The following NALF1 variants were observed in gnomAD, a reference collection of about 807,000 sequenced individuals.
NALF1 encodes family with sequence similarity 155 member A.
NALF1 carries 3 observed loss-of-function variants against 48.4 expected under a neutral mutation model. That is an observed-to-expected ratio of 0.06 (90% CI 0.03 to 0.16). The LOEUF is 0.16. Ranked by LOEUF, NALF1 falls within the 10% of genes least tolerant of loss-of-function variation. The pLI is 1.00. For missense variants in NALF1, 526 were observed against 571.5 expected, an observed-to-expected ratio of 0.92 and a Z score of 0.81; for synonymous variants, 262 against 245.7, an observed-to-expected ratio of 1.07 and a Z score of -0.62.
intron 1 of NALF1, among the ~76,000 whole-genome samples, chr13:107,828,633 ACAC>A (rs2138624642): frequency 6.6e-6 from 1 of 151,626 alleles, no homozygotes; most frequent in East Asian, 1.9e-4. Flanking sequence ...ACACACACAC[ACAC>A]ACACACACAC....
rs78819030 is a variant in NALF1 at position 107,666,846 on chromosome 13, G to A, written c.915+198836C>T. Among the ~76,000 whole-genome samples, 814 of 152,032 alleles carry A rather than the reference G, an allele frequency of 5.4e-3. 10 individuals are homozygous for A. Among genetic ancestry groups the A allele is most frequent in the African/African-American group, 0.019 (785 of 41,462 alleles). On this transcript the variant is annotated intron_variant, in intron 1 of 2. Coordinates refer to ENST00000375915, the MANE Select transcript of NALF1 (RefSeq NM_001080396.3). ...TTCGCCATAAATTTGGTATTAGTTC[G>A]TGCTTCAATTTCAGCAGATTCATGT...
At chr13:107,523,744 A>C (rs1051929334) in intron 1 of NALF1, among the ~76,000 whole-genome samples, 8 of 151,972 alleles carry the variant, frequency 5.3e-5, no homozygotes, top group African/African-American at 1.9e-4. Flanking sequence ...GGGTACATTT[A>C]AGATAAAAAT....
chr13:107,363,528 G>T (rs1883101488), intron 1 of NALF1, among the ~76,000 whole-genome samples: 1 of 152,210 alleles, frequency 6.6e-6, no homozygotes, highest in Non-Finnish European at 1.5e-5. Context: ...GAACCCAGGA[G>T]GTTGAGGCTG....
At chr13:107,738,312 G>A (rs1403458959) in intron 1 of NALF1, among the ~76,000 whole-genome samples, 1 of 152,162 alleles carries the variant, frequency 6.6e-6, no homozygotes, top group East Asian at 1.9e-4. Context: ...TGGATAAGAG[G>A]TCACCACTTC....
chr13:107,468,725 C>T (rs1009932632), intron 1 of NALF1, among the ~76,000 whole-genome samples: 8 of 151,908 alleles, frequency 5.3e-5, no homozygotes, highest in Non-Finnish European at 8.8e-5. Context: ...AGAGAGGAAT[C>T]GAATATGCAA....
At chr13:107,706,985 T>G (rs3928888) in intron 1 of NALF1, among the ~76,000 whole-genome samples, 78 of 134,868 alleles carry the variant, frequency 5.8e-4, no homozygotes, top group African/African-American at 1.6e-3. Context: ...TGCAGTGGCG[T>G]GATCTCGGCT....
chr13:107,490,420 G>T (rs1885396889), intron 1 of NALF1, among the ~76,000 whole-genome samples: 1 of 152,190 alleles, frequency 6.6e-6, no homozygotes, highest in Non-Finnish European at 1.5e-5. Flanking sequence ...CAGGGATATG[G>T]ATGGAGCTGG....
chr13:107,514,800 T>A (rs1815293), intron 1 of NALF1, among the ~76,000 whole-genome samples: 2 of 151,994 alleles, frequency 1.3e-5, no homozygotes, highest in African/African-American at 2.4e-5. Context: ...TCTCCCCCAC[T>A]TATCTGCTGG....
At position 107,676,232 on chromosome 13, in the gene NALF1, T is replaced by C. The variant is rs185868429; in HGVS notation, c.915+189450A>G. On this transcript the variant is annotated intron_variant, in intron 1 of 2. Coordinates refer to ENST00000375915, the MANE Select transcript of NALF1 (RefSeq NM_001080396.3). ...CAGACCTTATAACCTTTCCAGTATA[T>C]TTGCCTTAAAAATACTATTTATTCA... 2.3e-4 allele frequency among the ~76,000 whole-genome samples: 35 copies of C among 152,306 alleles called. No homozygotes were observed. In the East Asian group the frequency reaches 6.8e-3, roughly 29 times the overall value.
At chr13:107,332,992 C>T (rs1364747744) in intron 1 of NALF1, among the ~76,000 whole-genome samples, 4 of 151,982 alleles carry the variant, frequency 2.6e-5, no homozygotes, top group African/African-American at 4.8e-5. Context: ...ATTACAGGTG[C>T]GTGCCACCAC....
At chr13:107,452,248 G>A (rs1566348575) in intron 1 of NALF1, among the ~76,000 whole-genome samples, 1 of 152,088 alleles carries the variant, frequency 6.6e-6, no homozygotes, top group Non-Finnish European at 1.5e-5. Context: ...ATGGCCTTAC[G>A]TGTGTTATTA....
rs553188693 is a variant in NALF1, at chr13:107,866,473, G to A, written c.124C>T (p.Leu42=). 1.3e-4 allele frequency: 206 copies of A among 1,614,182 alleles called. 3 individuals are homozygous for A. In the South Asian group the frequency reaches 2.1e-3, roughly 16 times the overall value. The change falls in exon 1 of 3, where the codon CTG becomes TTG. Residue 42 remains leucine, a synonymous_variant. Transcript: ENST00000375915. The surrounding 1 kb of genome is among the most constrained non-coding windows in gnomAD (Gnocchi z 4.4). ...SERAQKWRLS[L]ASLLFFTVLL... is the part of the protein sequence containing the mutation. Reference sequence around the variant, plus strand: ...ACTGTGAAAAACAAGAGAGATGCCAGAGACAGTCGCCATTTCTGAGCCCTC... The same window carrying A: ...ACTGTGAAAAACAAGAGAGATGCCAAAGACAGTCGCCATTTCTGAGCCCTC...
chr13:107,293,628 T>C (rs772481189), intron 1 of NALF1, among the ~76,000 whole-genome samples: 1 of 152,236 alleles, frequency 6.6e-6, no homozygotes, highest in Non-Finnish European at 1.5e-5. Context: ...TCACTTGAAC[T>C]GGCCATTTCA....
In NALF1 at chr13:107,430,251, AG is replaced by A. The variant is rs1187625956; in HGVS notation, c.916-219497del. 3.5e-4 allele frequency among the ~76,000 whole-genome samples: 54 copies of A among 152,212 alleles called. 1 individual carries two copies. The highest frequency in any genetic ancestry group is 1.3e-3 in the African/African-American group (54 of 41,544). ...AGATAACCAGCACTGGCCATAATGA[AG>A]CTGCAGAGCTAAGAGATTTTTTTTT... On this transcript the variant is annotated intron_variant, in intron 1 of 2. Transcript: ENST00000375915.
intron 2 of NALF1, among the ~76,000 whole-genome samples, chr13:107,181,102 C>T (rs753592803): frequency 1.3e-5 from 2 of 151,484 alleles, no homozygotes; most frequent in Non-Finnish European, 3.0e-5. Flanking sequence ...TCTTTATTTT[C>T]ATCCTTGATT....
intron 1 of NALF1, among the ~76,000 whole-genome samples, chr13:107,610,702 G>A (rs181341396): frequency 1.3e-5 from 2 of 152,266 alleles, no homozygotes; most frequent in East Asian, 3.9e-4. Flanking sequence ...TTGTTTAAGT[G>A]GAAATGAAAC....
intron 1 of NALF1, among the ~76,000 whole-genome samples, chr13:107,293,641 G>A (rs1410508533): frequency 6.6e-6 from 1 of 152,144 alleles, no homozygotes; most frequent in Non-Finnish European, 1.5e-5. Flanking sequence ...CCATTTCATA[G>A]GCAAGCTTTA....
intron 1 of NALF1, among the ~76,000 whole-genome samples, chr13:107,724,578 T>C (rs1376917354): frequency 1.3e-5 from 2 of 151,666 alleles, no homozygotes; most frequent in Admixed American, 6.6e-5. Flanking sequence ...TTGCTCGTTT[T>C]TGAGACAGGG....
At chr13:107,593,693 C>T (rs1357199604) in intron 1 of NALF1, among the ~76,000 whole-genome samples, 2 of 151,774 alleles carry the variant, frequency 1.3e-5, no homozygotes, top group Non-Finnish European at 2.9e-5. Flanking sequence ...CATCACACAG[C>T]TCATGATACC....
Sources: allele counts gnomAD v4.1 joint callset (sites outside exome capture counted in the v4.1 genomes callset), GRCh38; gene constraint gnomAD v4.1.1; non-coding constraint Gnocchi (gnomAD v3.1); transcripts MANE v1.5; gene names NCBI Gene and HGNC (gene_info 2026-07-23, HGNC 2026-07-21).